The following RBM26 variants were observed in gnomAD, a reference collection of about 807,000 sequenced individuals.
RBM26 encodes RNA binding motif protein 26, also known as RNA-binding protein 26.
Under a neutral mutation model 123.6 loss-of-function variants are expected in RBM26, and 30 were observed. That is an observed-to-expected ratio of 0.24 (90% CI 0.18 to 0.33). The LOEUF is 0.33. RBM26 is among the 10% of genes least tolerant of loss of function. RBM26 has a pLI of 1.00. For synonymous variants in RBM26, 400 were observed against 404.4 expected, an observed-to-expected ratio of 0.99 and a Z score of 0.13; for missense variants, 947 against 1,203.6, an observed-to-expected ratio of 0.79 and a Z score of 3.15.
chr13:79,375,081 T>TATC (rs2076533355), intron 3 of RBM26, among the ~76,000 whole-genome samples: 5 of 104,368 alleles, frequency 4.8e-5, no homozygotes, highest in African/African-American at 1.5e-4. Context: ...TTATATGATA[T>TATC]ATATAAATAT....
At chr13:79,329,247 T>G (rs1159888863) in intron 20 of RBM26, among the ~76,000 whole-genome samples, 1 of 152,096 alleles carries the variant, frequency 6.6e-6, no homozygotes, top group Non-Finnish European at 1.5e-5. Flanking sequence ...TATATGTGTA[T>G]GTATTAAAAA....
chr13:79,373,479 CAAATATAT>C (rs1566508531), intron 3 of RBM26, among the ~76,000 whole-genome samples: 2 of 1,476 alleles, frequency 1.4e-3, no homozygotes, highest in Non-Finnish European at 3.6e-3. Flanking sequence ...TATAAATATA[CAAATATAT>C]ATAATATGTA....
At chr13:79,326,024 G>A (rs936798121) in intron 20 of RBM26, among the ~76,000 whole-genome samples, 18 of 152,094 alleles carry the variant, frequency 1.2e-4, no homozygotes, top group African/African-American at 3.4e-4. Context: ...TAAGACCAAC[G>A]GGCTATATAC....
chr13:79,323,804 A>C (rs1424093985), intron 20 of RBM26, among the ~76,000 whole-genome samples: 1 of 151,746 alleles, frequency 6.6e-6, no homozygotes, highest in Non-Finnish European at 1.5e-5. Flanking sequence ...ATGATTTACA[A>C]ACTTTTTATT....
intron 15 of RBM26, 142 bp from the exon 16 acceptor site, chr13:79,344,464 T>C (rs560869866): frequency 1.4e-4 from 114 of 822,938 alleles, no homozygotes; most frequent in Non-Finnish European, 2.1e-4. Context: ...TTAAAATATG[T>C]ATGCAAGTTT....
intron 11 of RBM26, among the ~76,000 whole-genome samples, chr13:79,357,881 ATTTTTTT>A (rs34027077): frequency 3.1e-5 from 4 of 130,260 alleles, no homozygotes; most frequent in Non-Finnish European, 6.6e-5. Context: ...CAGAATAACA[ATTTTTTT>A]TTTTTTTTTT....
chr13:79,390,922 A>C (rs946477930), intron 1 of RBM26, among the ~76,000 whole-genome samples: 1 of 152,232 alleles, frequency 6.6e-6, no homozygotes. Context: ...AGATCAATAT[A>C]TAAAAAGTCT....
chr13:79,371,257 TTAAC>T (rs1292954427), intron 4 of RBM26, 95 bp from the exon 5 acceptor site: 1 of 998,640 alleles, frequency 1.0e-6, no homozygotes, highest in African/African-American at 1.6e-5. Context: ...TTCTTGTAAC[TTAAC>T]TTTCTATCCT....
chr13:79,369,643 G>T (rs575335311), intron 5 of RBM26, among the ~76,000 whole-genome samples: 2 of 152,252 alleles, frequency 1.3e-5, no homozygotes, highest in East Asian at 1.9e-4. Flanking sequence ...TTGAGAAAAG[G>T]TGCTTTACTG....
intron 20 of RBM26, among the ~76,000 whole-genome samples, chr13:79,326,898 T>C (rs1429972955): frequency 1.3e-5 from 2 of 151,314 alleles, no homozygotes; most frequent in African/African-American, 2.4e-5. Context: ...TACAGTACTA[T>C]GGGATTTAAA....
At chr13:79,330,776 GA>G (rs2069171940) in intron 20 of RBM26, among the ~76,000 whole-genome samples, 1 of 152,030 alleles carries the variant, frequency 6.6e-6, no homozygotes, top group African/African-American at 2.4e-5. Flanking sequence ...CTAATTTTTA[GA>G]AGTTACAAAG....
downstream of RBM26, among the ~76,000 whole-genome samples, chr13:79,316,192 G>GGT (rs3064578): frequency 0.059 from 8,436 of 142,006 alleles, 295 homozygotes; most frequent in Non-Finnish European, 0.077. Context: ...AAGTGGGGCA[G>GGT]GTGTGTGTGT....
intron 1 of RBM26, among the ~76,000 whole-genome samples, chr13:79,391,791 G>C (rs201367143): frequency 1.3e-5 from 2 of 151,790 alleles, no homozygotes; most frequent in East Asian, 1.9e-4. Flanking sequence ...ATGGGAAAGA[G>C]AAAGTTGCAG....
intron 1 of RBM26, among the ~76,000 whole-genome samples, chr13:79,393,888 T>C (rs946115444): frequency 1.3e-5 from 2 of 152,230 alleles, no homozygotes; most frequent in African/African-American, 4.8e-5. Flanking sequence ...TCCAAGAAGC[T>C]GCACTGCCTA....
At chr13:79,342,484 T>C (rs576386224) in intron 17 of RBM26, among the ~76,000 whole-genome samples, 180 bp downstream of exon 17, 1 of 151,970 alleles carries the variant, frequency 6.6e-6, no homozygotes, top group East Asian at 1.9e-4. Flanking sequence ...ATAACAGAAT[T>C]TAAAAGATTA....
intron 11 of RBM26, among the ~76,000 whole-genome samples, chr13:79,357,358 T>A (rs953913974): frequency 6.6e-6 from 1 of 152,002 alleles, no homozygotes; most frequent in African/African-American, 2.4e-5. Flanking sequence ...TAAAATATAA[T>A]TATTTTAATT....
In RBM26 at chr13:79,371,116, A is replaced by C. The variant is rs1366733736; in HGVS notation, c.463T>G (p.Tyr155Asp). Residue 155 changes from tyrosine to aspartate, a missense_variant, in exon 5 of 22, where the codon TAT (tyrosine) becomes GAT (aspartate). Tyr to Asp is a radical substitution (Grantham distance 160, BLOSUM62 -3). Transcript: ENST00000438737. ...TCTCTTCGAGGAGGGTTTCGATCATAATCTCTTTTGCGAGAACGATCATCT... is the reference window on the plus strand; with the variant it reads ...TCTCTTCGAGGAGGGTTTCGATCATCATCTCTTTTGCGAGAACGATCATCT... ...KKDDRSRKRD[Y>D]DRNPPRRDSY... The C allele has an allele frequency of 1.2e-6, 2 of 1,614,018 alleles. No individual in the cohort carries two copies. The highest frequency in any genetic ancestry group is 1.3e-5 in the African/African-American group (1 of 74,918).
At chr13:79,401,469 C>T (rs1368672510) in intron 1 of RBM26, among the ~76,000 whole-genome samples, 2 of 152,180 alleles carry the variant, frequency 1.3e-5, no homozygotes, top group Admixed American at 1.3e-4. Flanking sequence ...CAAATAACTT[C>T]ATGCTTCAGT....
At chr13:79,368,651 A>C in intron 6 of RBM26, 79 bp downstream of exon 6, 1 of 1,378,524 alleles carries the variant, frequency 7.3e-7, no homozygotes, top group Admixed American at 2.0e-5. Context: ...TCTTTGAATA[A>C]CTATGTACAA....
Sources: gnomAD v4.1 joint callset for allele counts (sites outside exome capture counted in the v4.1 genomes callset) on GRCh38, gnomAD v4.1.1 for gene constraint, MANE v1.5 for transcripts, NCBI Gene and HGNC (gene_info 2026-07-23, HGNC 2026-07-21) for gene names.